The following USP34 variants were observed in gnomAD, a reference collection of about 807,000 sequenced individuals.
The protein encoded by USP34 is ubiquitin specific peptidase 34.
Under a neutral mutation model 460.3 loss-of-function variants are expected in USP34, and 70 were observed. That is an observed-to-expected ratio of 0.15 (90% CI 0.13 to 0.19). The LOEUF (loss-of-function observed/expected upper bound fraction) is 0.19, where lower values mean the gene tolerates loss of function less well. Ranked by LOEUF, USP34 falls within the 10% of genes least tolerant of loss-of-function variation. The pLI is 1.00. For missense variants in USP34, 3,985 were observed against 4,236.2 expected (o/e 0.94, Z 1.65); for synonymous variants, 1,647 against 1,405.3 (o/e 1.17, Z -3.85).
chr2:61,251,997 C>G (rs1437197143), intron 48 of USP34, among the ~76,000 whole-genome samples: 1 of 150,850 alleles, frequency 6.6e-6, no homozygotes, highest in Non-Finnish European at 1.5e-5. Context: ...ACACCCACAA[C>G]TTTTTCCATT....
At chr2:61,236,542 T>G (rs1244639346) in intron 53 of USP34, among the ~76,000 whole-genome samples, 153 bp from the exon 54 acceptor site, 1 of 152,160 alleles carries the variant, frequency 6.6e-6, no homozygotes, top group Non-Finnish European at 1.5e-5. Context: ...CCCAAGTATA[T>G]TCATATAAAT....
intron 1 of USP34, among the ~76,000 whole-genome samples, chr2:61,434,927 C>A (rs1349658248): frequency 6.6e-6 from 1 of 151,998 alleles, no homozygotes; most frequent in African/African-American, 2.4e-5. Flanking sequence ...AAATAACGAT[C>A]TTAAGGAAAC....
intron 25 of USP34, among the ~76,000 whole-genome samples, chr2:61,312,365 A>G (rs1010719070): frequency 6.6e-6 from 1 of 152,128 alleles, no homozygotes; most frequent in Admixed American, 6.5e-5. Flanking sequence ...AGAATTTGAG[A>G]GTCAATTCAT....
At chr2:61,355,570 CAGA>C (rs1338607800) in intron 10 of USP34, among the ~76,000 whole-genome samples, 1 of 151,794 alleles carries the variant, frequency 6.6e-6, no homozygotes, top group African/African-American at 2.4e-5. Flanking sequence ...ATGTTAAATA[CAGA>C]AGAAAATTAA....
chr2:61,336,800 A>G (rs1691430910), intron 18 of USP34, among the ~76,000 whole-genome samples: 2 of 124,678 alleles, frequency 1.6e-5, no homozygotes, highest in Non-Finnish European at 3.3e-5. Flanking sequence ...ACTGACTGAG[A>G]CTCCATCTCA....
intron 8 of USP34, among the ~76,000 whole-genome samples, chr2:61,374,670 C>T (rs930211992): frequency 2.6e-5 from 4 of 151,760 alleles, no homozygotes; most frequent in South Asian, 2.1e-4. Flanking sequence ...AGTGCAGTGG[C>T]GCAACTTCGG....
At chr2:61,433,879 A>T in intron 1 of USP34, among the ~76,000 whole-genome samples, 1 of 152,146 alleles carries the variant, frequency 6.6e-6, no homozygotes, top group East Asian at 1.9e-4. Flanking sequence ...GCAGCACTTC[A>T]GCTCCATCTT....
intron 78 of USP34, chr2:61,189,283 GTTTTTT>G: frequency 2.1e-6 from 1 of 486,666 alleles, no homozygotes; most frequent in Non-Finnish European, 3.4e-6. Flanking sequence ...TTTTGTTTTT[GTTTTTT>G]TTGAGATGGA....
intron 1 of USP34, among the ~76,000 whole-genome samples, chr2:61,430,637 A>G (rs939227088): frequency 1.3e-5 from 2 of 152,240 alleles, no homozygotes; most frequent in African/African-American, 4.8e-5. Context: ...ATAACAATTT[A>G]GTTAATTTTT....
intron 1 of USP34, among the ~76,000 whole-genome samples, chr2:61,445,008 A>G (rs1695068910): frequency 6.6e-6 from 1 of 151,968 alleles, no homozygotes; most frequent in African/African-American, 2.4e-5. Flanking sequence ...CTCTGTATAA[A>G]CAATGGAAGC....
intron 69 of USP34, among the ~76,000 whole-genome samples, 176 bp from the exon 70 acceptor site, chr2:61,209,153 A>T (rs113143902): frequency 0.018 from 2,729 of 152,316 alleles, 29 homozygotes; most frequent in Non-Finnish European, 0.024. Flanking sequence ...ATATTAAATA[A>T]ACTCTAACTA....
intron 41 of USP34, 62 bp from the exon 42 acceptor site, chr2:61,266,229 T>C: frequency 1.4e-6 from 2 of 1,456,942 alleles, no homozygotes; most frequent in Non-Finnish European, 1.9e-6. Flanking sequence ...CAAATATAGT[T>C]AACATATACA....
At chr2:61,429,312 T>C (rs971476817) in intron 1 of USP34, among the ~76,000 whole-genome samples, 2 of 152,066 alleles carry the variant, frequency 1.3e-5, no homozygotes, top group Admixed American at 6.5e-5. Context: ...CCAGGCATGG[T>C]GGTGGGCACC....
At chr2:61,470,381 G>A (rs1398723215) in intron 1 of USP34, among the ~76,000 whole-genome samples, 1 of 151,964 alleles carries the variant, frequency 6.6e-6, no homozygotes, top group East Asian at 1.9e-4. Context: ...CACCTGTAAT[G>A]AGGAAACTTT....
At chr2:61,199,849 G>T (rs1414646472) in intron 75 of USP34, 1 of 151,936 alleles carries the variant, frequency 6.6e-6, no homozygotes, top group African/African-American at 2.4e-5. Flanking sequence ...TTTGAAAAAA[G>T]GACAAATAAA....
rs1210393239 is a variant in USP34, at chr2:61,276,263, ATTTTAC to A, written c.5433+1896_5433+1901del. ...ATAAACTACGGATTAAAATCAACCT[ATTTTAC>A]TTTTAAGAGTTCTTGAGTAAATAAT... On this transcript the variant is annotated intron_variant, in intron 41 of 79. Coordinates refer to ENST00000398571, the MANE Select transcript of USP34 (RefSeq NM_014709.4). Among the ~76,000 whole-genome samples the A allele has an allele frequency of 6.6e-5, 10 of 152,304 alleles. No homozygotes were observed. In the East Asian group the frequency reaches 1.9e-3, roughly 29 times the overall value.
At chr2:61,391,359 A>T (rs534751735) in intron 5 of USP34, among the ~76,000 whole-genome samples, 1 of 152,118 alleles carries the variant, frequency 6.6e-6, no homozygotes, top group Non-Finnish European at 1.5e-5. Context: ...CATACTAGAA[A>T]ATAAACAGAA....
chr2:61,436,578 A>T (rs749331961), intron 1 of USP34, among the ~76,000 whole-genome samples: 3 of 152,244 alleles, frequency 2.0e-5, no homozygotes, highest in Admixed American at 2.0e-4. Flanking sequence ...CTAACGGGAG[A>T]GACAGACCTC....
At chr2:61,321,417 G>A (rs1572932867) in intron 21 of USP34, among the ~76,000 whole-genome samples, 1 of 152,312 alleles carries the variant, frequency 6.6e-6, no homozygotes, top group South Asian at 2.1e-4. Flanking sequence ...GTTGCAGTGA[G>A]CCAAGATTTG....
Sources: allele counts gnomAD v4.1 joint callset (sites outside exome capture counted in the v4.1 genomes callset), GRCh38; gene constraint gnomAD v4.1.1; transcripts MANE v1.5; gene names NCBI Gene and HGNC (gene_info 2026-07-23, HGNC 2026-07-21).